Variants in LRRTM4 observed in about 807,000 individuals in gnomAD.
The protein encoded by LRRTM4 is leucine-rich repeat transmembrane neuronal protein 4.
A neutral mutation model predicts 47.6 loss-of-function variants in LRRTM4; 25 were observed. The ratio of observed to expected loss-of-function variants is 0.53; its 90% CI spans 0.38 to 0.73. The LOEUF (loss-of-function observed/expected upper bound fraction) is 0.73. LRRTM4 is among the 30% of genes least tolerant of loss of function. The probability of loss-of-function intolerance (pLI) is 0.00; values close to 1 mark genes in which losing one functional copy is unlikely to be tolerated. For synonymous variants in LRRTM4, 311 were observed against 269.5 expected (o/e 1.15, Z -1.51); for missense variants, 638 against 713.4 (o/e 0.89, Z 1.20).
At chr2:77,265,434 A>C (rs1676026037) in intron 3 of LRRTM4, among the ~76,000 whole-genome samples, 1 of 151,710 alleles carries the variant, frequency 6.6e-6, no homozygotes, top group Non-Finnish European at 1.5e-5. Context: ...ATTTTCTCTC[A>C]CTCTCTTTCT....
chr2:76,908,429 G>A (rs1673928851), intron 3 of LRRTM4, among the ~76,000 whole-genome samples: 1 of 151,066 alleles, frequency 6.6e-6, no homozygotes, highest in Non-Finnish European at 1.5e-5. Flanking sequence ...TTGAAAACTG[G>A]CACAAGACAG....
At chr2:76,919,859 G>T (rs117443118) in intron 3 of LRRTM4, among the ~76,000 whole-genome samples, 1 of 152,072 alleles carries the variant, frequency 6.6e-6, no homozygotes, top group Non-Finnish European at 1.5e-5. Flanking sequence ...CTGTCTTCTT[G>T]TTGTGTCATT....
chr2:77,111,283 A>ATTTTTTTTT (rs71381260), intron 3 of LRRTM4, among the ~76,000 whole-genome samples: 21 of 113,060 alleles, frequency 1.9e-4, no homozygotes, highest in East Asian at 5.4e-4. Context: ...ACACCTGGCT[A>ATTTTTTTTT]TTTTTTTTTT....
intron 3 of LRRTM4, among the ~76,000 whole-genome samples, chr2:77,242,621 C>T (rs1675300182): frequency 6.6e-6 from 1 of 152,076 alleles, no homozygotes; most frequent in Non-Finnish European, 1.5e-5. Context: ...GACACTATCT[C>T]AGCCCATTAT....
intron 3 of LRRTM4, among the ~76,000 whole-genome samples, chr2:76,954,645 G>T (rs1012179214): frequency 2.6e-5 from 4 of 151,958 alleles, no homozygotes; most frequent in African/African-American, 4.8e-5. Flanking sequence ...GGCTAACGTG[G>T]TCTGAAATCT....
chr2:77,501,629 AT>A, intron 3 of LRRTM4, among the ~76,000 whole-genome samples: 1 of 151,018 alleles, frequency 6.6e-6, no homozygotes, highest in South Asian at 2.1e-4. Flanking sequence ...AAAATATAGA[AT>A]AATTTATATA....
intron 3 of LRRTM4, among the ~76,000 whole-genome samples, chr2:76,877,034 G>A (rs1047290329): frequency 2.6e-5 from 4 of 151,920 alleles, no homozygotes; most frequent in Non-Finnish European, 5.9e-5. Flanking sequence ...TATGAATGTG[G>A]GCATCTTTTC....
At chr2:77,444,793 A>G (rs1000555361) in intron 3 of LRRTM4, among the ~76,000 whole-genome samples, 1 of 151,932 alleles carries the variant, frequency 6.6e-6, no homozygotes, top group Admixed American at 6.6e-5. Flanking sequence ...TTGCTGGAAA[A>G]TATCAGAAAG....
chr2:77,446,312 T>C (rs1041303114), intron 3 of LRRTM4, among the ~76,000 whole-genome samples: 3 of 152,004 alleles, frequency 2.0e-5, no homozygotes, highest in Admixed American at 6.6e-5. Flanking sequence ...CTCTTCCCAC[T>C]AGAAGTGTTG....
At chr2:77,339,018 A>G (rs1431997092) in intron 3 of LRRTM4, among the ~76,000 whole-genome samples, 1 of 152,008 alleles carries the variant, frequency 6.6e-6, no homozygotes, top group Non-Finnish European at 1.5e-5. Context: ...CAAATATCGC[A>G]TGTTCCCATT....
chr2:76,852,410 T>A (rs945992510), intron 3 of LRRTM4, among the ~76,000 whole-genome samples: 1 of 152,176 alleles, frequency 6.6e-6, no homozygotes, highest in Non-Finnish European at 1.5e-5. Context: ...TGTAGGCTTA[T>A]GTGAAGATCC....
At chr2:77,389,245 C>A (rs1673408012) in intron 3 of LRRTM4, among the ~76,000 whole-genome samples, 1 of 151,698 alleles carries the variant, frequency 6.6e-6, no homozygotes, top group African/African-American at 2.4e-5. Context: ...AACTACAGAA[C>A]AACAGGATAG....
intron 3 of LRRTM4, among the ~76,000 whole-genome samples, chr2:77,347,745 G>C (rs1671621793): frequency 6.6e-6 from 1 of 151,952 alleles, no homozygotes; most frequent in African/African-American, 2.4e-5. Context: ...TTCTAAACTT[G>C]ATTTTTATTG....
intron 3 of LRRTM4, among the ~76,000 whole-genome samples, chr2:77,103,667 A>ATATATCTATATATC (rs1553389712): frequency 9.6e-5 from 14 of 146,274 alleles, no homozygotes; most frequent in East Asian, 2.1e-4. Flanking sequence ...ATATATAGAT[A>ATATATCTATATATC]TATATATCAC....
intron 3 of LRRTM4, among the ~76,000 whole-genome samples, chr2:77,381,750 T>G (rs1002297989): frequency 2.0e-4 from 31 of 151,970 alleles, no homozygotes; most frequent in Non-Finnish European, 4.6e-4. Flanking sequence ...AAAAATAATA[T>G]CCATTAAACC....
chr2:77,390,889 T>G (rs1052536771), intron 3 of LRRTM4, among the ~76,000 whole-genome samples: 1 of 151,608 alleles, frequency 6.6e-6, no homozygotes, highest in African/African-American at 2.4e-5. Context: ...TGAAAATGAA[T>G]GCAAAGATTG....
In LRRTM4 at chr2:77,330,409, G is replaced by C. The variant is rs182225791; in HGVS notation, c.1551+187909C>G. Among the ~76,000 whole-genome samples the C allele has an allele frequency of 5.9e-5, 9 of 152,232 alleles. No homozygotes were observed. In the East Asian group the frequency reaches 1.7e-3, roughly 29 times the overall value. On this transcript the variant is annotated intron_variant, in intron 3 of 3. Transcript: ENST00000409884. Reference sequence around the variant, plus strand: ...AATAGTGCTGATTGCAATCAAAAGAGTGATATTTAAAATATTACTAATTGT... The same window carrying C: ...AATAGTGCTGATTGCAATCAAAAGACTGATATTTAAAATATTACTAATTGT...
Position 76,931,449 on chromosome 2 carries a change from C to T in LRRTM4, c.1552-182533G>A, listed in dbSNP as rs141416873. On this transcript the variant is annotated intron_variant, in intron 3 of 3. Transcript: ENST00000409884. ...CTTGGGTTGTACAGTCTTCCTTGACCTTTCTCACAATGTCTTCCTTTAATC... is the reference window on the plus strand; with the variant it reads ...CTTGGGTTGTACAGTCTTCCTTGACTTTTCTCACAATGTCTTCCTTTAATC... 1.1e-3 allele frequency among the ~76,000 whole-genome samples: 164 copies of T among 152,184 alleles called. 1 individual carries two copies. The Middle Eastern group carries it at 0.014, about 13-fold the overall frequency.
intron 3 of LRRTM4, among the ~76,000 whole-genome samples, chr2:77,136,438 A>G (rs995490118): frequency 9.2e-5 from 14 of 152,200 alleles, no homozygotes; most frequent in African/African-American, 1.9e-4. Flanking sequence ...AAGGAAAACT[A>G]ACAAACAGAA....
Sources: gnomAD v4.1 joint callset for allele counts (sites outside exome capture counted in the v4.1 genomes callset) on GRCh38, gnomAD v4.1.1 for gene constraint, MANE v1.5 for transcripts, NCBI Gene and HGNC (gene_info 2026-07-23, HGNC 2026-07-21) for gene names.